Variants in RGPD5 observed in about 807,000 individuals in gnomAD.
The protein encoded by RGPD5 is RANBP2 like and GRIP domain containing 5.
At chr2:109,774,505 T>TATATATAAA in the RGPD5 span, among the ~76,000 whole-genome samples, 3 of 32,092 alleles carry the variant, frequency 9.3e-5, 1 homozygote, top group Non-Finnish European at 1.4e-4. Context: ...CAAACATATA[T>TATATATAAA]ATATATATAA....
the RGPD5 span, among the ~76,000 whole-genome samples, chr2:109,764,157 T>C: frequency 1.3e-5 from 2 of 150,168 alleles, no homozygotes; most frequent in African/African-American, 4.9e-5. Context: ...TAATTCCACT[T>C]CCAGTTTCTG....
the RGPD5 span, among the ~76,000 whole-genome samples, chr2:109,774,515 A>ATAAAATATATATAT: frequency 1.4e-5 from 1 of 70,062 alleles, no homozygotes. Flanking sequence ...TATATATATA[A>ATAAAATATATATAT]TATATATTAT....
chr2:109,763,541 C>T, the RGPD5 span, among the ~76,000 whole-genome samples: 1 of 150,060 alleles, frequency 6.7e-6, no homozygotes, highest in East Asian at 2.1e-4. Context: ...CCTCGATGGA[C>T]TGGAAGTTAA....
At chr2:109,777,945 AGTAT>A in the RGPD5 span, among the ~76,000 whole-genome samples, 1 of 130,476 alleles carries the variant, frequency 7.7e-6, no homozygotes, top group Non-Finnish European at 1.6e-5. Flanking sequence ...TATTTATATA[AGTAT>A]GTAAGTATAA....
the RGPD5 span, among the ~76,000 whole-genome samples, chr2:109,767,368 C>CGGT: frequency 1.4e-5 from 2 of 147,326 alleles, no homozygotes; most frequent in Non-Finnish European, 3.0e-5. Flanking sequence ...CTCTTACTTA[C>CGGT]GGTGGTACTA....
At chr2:109,771,639 G>T in the RGPD5 span, among the ~76,000 whole-genome samples, 1 of 20,486 alleles carries the variant, frequency 4.9e-5, no homozygotes, top group South Asian at 3.3e-3. Flanking sequence ...AATATGAACG[G>T]AACACCTGAG....
the RGPD5 span, among the ~76,000 whole-genome samples, chr2:109,761,974 G>T: frequency 6.7e-6 from 1 of 149,226 alleles, no homozygotes. Context: ...GATGATATGT[G>T]GATCTGTGTG....
chr2:109,766,882 T>C, the RGPD5 span, among the ~76,000 whole-genome samples: 1 of 149,794 alleles, frequency 6.7e-6, no homozygotes, highest in Non-Finnish European at 1.5e-5. Context: ...AATGGTAACA[T>C]AATTTTTTTG....
chr2:109,771,475 A>G, the RGPD5 span, among the ~76,000 whole-genome samples: 2 of 102,262 alleles, frequency 2.0e-5, 1 homozygote, highest in African/African-American at 9.9e-5. Flanking sequence ...CGTGCAGGAG[A>G]GGACAGCTCA....
chr2:109,765,360 A>G, the RGPD5 span, among the ~76,000 whole-genome samples: 1 of 150,286 alleles, frequency 6.7e-6, no homozygotes, highest in South Asian at 2.2e-4. Context: ...ACACTTGGAT[A>G]TTTCCTGTCC....
the RGPD5 span, among the ~76,000 whole-genome samples, chr2:109,761,408 C>T: frequency 1.7e-4 from 26 of 150,546 alleles, no homozygotes; most frequent in Admixed American, 1.6e-3. Context: ...CCTTTCTTCA[C>T]ACCTCGTCAC....
At chr2:109,765,649 G>T in the RGPD5 span, among the ~76,000 whole-genome samples, 1 of 150,346 alleles carries the variant, frequency 6.7e-6, no homozygotes, top group South Asian at 2.1e-4. Flanking sequence ...GGAAAACCAC[G>T]TGGTGGGAAG....
the RGPD5 span, among the ~76,000 whole-genome samples, chr2:109,761,250 G>GCTGCATCCTTTCTGTCTCTC: frequency 6.8e-6 from 1 of 147,662 alleles, no homozygotes; most frequent in East Asian, 2.1e-4. Flanking sequence ...CCCGGTCTCG[G>GCTGCATCCTTTCTGTCTCTC]CTGCATCCTT....
chr2:109,794,616 G>GCGGCGGCGGCGGCGGCGGCCGGGGGGGGA (rs1676882252), intron 1 of RGPD5, 79 bp downstream of exon 1: 1 of 617,672 alleles, frequency 1.6e-6, no homozygotes, highest in Non-Finnish European at 1.9e-6. Flanking sequence ...GGCGGGGGGG[G>GCGGCGGCGGCGGCGGCGGCCGGGGGGGGA]CGGCGGCGGC....
chr2:109,763,468 C>T, the RGPD5 span, among the ~76,000 whole-genome samples: 1 of 150,144 alleles, frequency 6.7e-6, no homozygotes, highest in Non-Finnish European at 1.5e-5. Context: ...TTGCCATTTT[C>T]TAGAGTACTT....
At chr2:109,774,599 A>G in the RGPD5 span, among the ~76,000 whole-genome samples, 1 of 80,848 alleles carries the variant, frequency 1.2e-5, no homozygotes, top group Non-Finnish European at 2.1e-5. Context: ...TGAGGTATAT[A>G]TGGAAAAACA....
the RGPD5 span, among the ~76,000 whole-genome samples, chr2:109,779,232 TC>T: frequency 1.2e-5 from 1 of 83,722 alleles, no homozygotes; most frequent in East Asian, 3.7e-4. Context: ...TAACTCAGTG[TC>T]TGCACAAGAT....
the RGPD5 span, among the ~76,000 whole-genome samples, chr2:109,765,450 A>G: frequency 1.7e-4 from 26 of 150,524 alleles, no homozygotes; most frequent in Middle Eastern, 0.01. Context: ...GCTGTACAGG[A>G]TGCAAAGGAC....
intron 1 of RGPD5, among the ~76,000 whole-genome samples, chr2:109,799,161 C>G (rs1222720883): frequency 2.0e-4 from 14 of 71,048 alleles, no homozygotes. Flanking sequence ...CCAGCTTGTA[C>G]CCGGGACGCA....
Sources: allele counts gnomAD v4.1 joint callset (sites outside exome capture counted in the v4.1 genomes callset), GRCh38; gene constraint gnomAD v4.1.1; transcripts MANE v1.5; gene names NCBI Gene and HGNC (gene_info 2026-07-23, HGNC 2026-07-21).